Variants in BSN observed in about 807,000 individuals in gnomAD.
The protein encoded by BSN is bassoon presynaptic cytomatrix protein, also known as protein bassoon.
BSN carries 57 observed loss-of-function variants against 264.8 expected under a neutral mutation model. The observed-to-expected ratio is 0.22, with a 90% CI of 0.17 to 0.27. The LOEUF is 0.27. BSN is among the 10% of genes least tolerant of loss of function. BSN has a pLI of 1.00. For missense variants in BSN, 4,615 were observed against 5,232.5 expected (o/e 0.88, Z 3.64); for synonymous variants, 2,059 against 2,137.3 (o/e 0.96, Z 1.01).
chr3:49,654,438 G>C lies in BSN; in HGVS notation c.4882G>C (p.Ala1628Pro). The change falls in exon 5 of 12, where the codon GCA (alanine) becomes CCA (proline). Residue 1628 changes from alanine (A) to proline (P), a missense_variant. Ala to Pro is a conservative substitution (Grantham distance 27). Transcript: ENST00000296452. The surrounding 1 kb of genome is among the most constrained non-coding windows in gnomAD (Gnocchi z 4.1). ...VPSAGADGPLALYGWGALPAE... is the reference protein window; with the variant it reads ...VPSAGADGPLPLYGWGALPAE... The stretch of plus-strand genomic sequence containing the variant: ...CAGTGCTGGTGCAGATGGGCCCCTG[G>C]CACTATATGGCTGGGGTGCCCTCCC... 1 of 1,601,228 alleles carries C rather than the reference G, an allele frequency of 6.2e-7. No homozygotes were observed. The highest frequency in any genetic ancestry group is 1.1e-5 in the South Asian group (1 of 87,770).
rs773857495 is a variant in BSN at position 49,661,860 on chromosome 3, A to G, written c.10015A>G (p.Met3339Val). Residue 3339 changes from methionine (M) to valine (V), a missense_variant, in exon 6 of 12, where the codon ATG becomes GTG. Transcript: ENST00000296452. The stretch of plus-strand genomic sequence containing the variant: ...AGTAGAGAAGTATGGTCCAGGGCCC[A>G]TGGGGCCCAAGCATCCCTCCAAGAG... ...ARVEKYGPGP[M>V]GPKHPSKSLA... 14 of 1,613,560 alleles carry G rather than the reference A, an allele frequency of 8.7e-6. No individual in the cohort carries two copies. The highest frequency in any genetic ancestry group is 3.3e-5 in the Admixed American group (2 of 60,034).
chr3:49,565,914 C>T (rs1056907337), intron 1 of BSN, among the ~76,000 whole-genome samples: 4 of 152,132 alleles, frequency 2.6e-5, no homozygotes, highest in African/African-American at 9.7e-5. Flanking sequence ...CTCCACCTCA[C>T]GGGTTCAAGC....
chr3:49,595,853 G>A (rs1198207164), intron 1 of BSN, among the ~76,000 whole-genome samples: 1 of 151,746 alleles, frequency 6.6e-6, no homozygotes, highest in African/African-American at 2.4e-5. Flanking sequence ...AGGTTCTTTA[G>A]GATGTTCTAC....
chr3:49,621,963 T>C (rs2108055014), intron 1 of BSN, among the ~76,000 whole-genome samples: 1 of 152,280 alleles, frequency 6.6e-6, no homozygotes, highest in South Asian at 2.1e-4. Flanking sequence ...GAAGGAGTAG[T>C]GGAGCAAAGT....
At chr3:49,599,503 G>A (rs2052054499) in intron 1 of BSN, among the ~76,000 whole-genome samples, 1 of 152,146 alleles carries the variant, frequency 6.6e-6, no homozygotes, top group Admixed American at 6.5e-5. Context: ...GCTGGGGGTA[G>A]AGCATCTGGA....
intron 1 of BSN, among the ~76,000 whole-genome samples, chr3:49,582,006 C>T (rs2051898769): frequency 1.3e-5 from 2 of 152,134 alleles, no homozygotes; most frequent in Middle Eastern, 3.4e-3. Context: ...TGGATATAAA[C>T]CTAAGAGTGG....
rs755104263 is a variant in BSN at position 49,660,852 on chromosome 3, C to G, written c.9007C>G (p.Arg3003Gly). The G allele has an allele frequency of 1.2e-5, 20 of 1,613,244 alleles. No individual in the cohort carries two copies. In the South Asian group the frequency reaches 2.0e-4, roughly 16 times the overall value. Residue 3003 changes from arginine (R) to glycine (G), a missense_variant, in exon 6 of 12, where the codon CGT becomes GGT. Coordinates refer to ENST00000296452, the MANE Select transcript of BSN (RefSeq NM_003458.4). The surrounding 1 kb of genome is among the most constrained non-coding windows in gnomAD (Gnocchi z 7.1). ...DRGGRDYPPL[R>G]GLGEHRDYLS... ...GGGTGGCCGTGACTACCCACCCTTG[C>G]GTGGTCTTGGCGAGCATCGTGACTA...
Position 49,651,671 on chromosome 3 carries a change from G to A in BSN, c.2115G>A (p.Val705=). Residue 705 remains valine, a synonymous_variant, in exon 5 of 12, where the codon GTG becomes GTA. Transcript: ENST00000296452. This position sits in a 1 kb window ranked among gnomAD's most constrained non-coding sequence, Gnocchi z 5.4. ...SEITGVVQQE[V]EQLDSAGVTG... is the part of the protein sequence containing the mutation. ...TCACAGGAGTCGTGCAGCAGGAGGT[G>A]GAACAGCTGGACAGTGCAGGGGTGA... is the stretch of plus-strand genomic sequence containing the variant. 7.4e-6 allele frequency: 12 copies of A among 1,614,126 alleles called. No individual in the cohort carries two copies. Among genetic ancestry groups the A allele is most frequent in the Non-Finnish European group, 1.0e-5 (12 of 1,180,040 alleles).
chr3:49,672,872 C>A (rs2052822222), downstream of BSN, among the ~76,000 whole-genome samples: 1 of 149,794 alleles, frequency 6.7e-6, no homozygotes, highest in Admixed American at 6.7e-5. Flanking sequence ...CTCCGCCTCC[C>A]GGGTTCACAC....
At chr3:49,565,481 C>T (rs1329826230) in intron 1 of BSN, among the ~76,000 whole-genome samples, 1 of 151,948 alleles carries the variant, frequency 6.6e-6, no homozygotes, top group Non-Finnish European at 1.5e-5. Flanking sequence ...CCACTACTCC[C>T]AGCTAATTTT....
Position 49,652,913 on chromosome 3 carries a change from C to T in BSN, c.3357C>T (p.His1119=), listed in dbSNP as rs1302174495. 1.2e-6 allele frequency: 2 copies of T among 1,610,332 alleles called. No homozygotes were observed. Among genetic ancestry groups the T allele is most frequent in the Non-Finnish European group, 8.5e-7 (1 of 1,177,778 alleles). Residue 1119 remains histidine (H), a synonymous_variant, in exon 5 of 12, where the codon CAC becomes CAT. Coordinates refer to ENST00000296452, the MANE Select transcript of BSN (RefSeq NM_003458.4). ...LRQAAEMEEL[H]RSSCSEYSPS... The stretch of plus-strand genomic sequence containing the variant: ...AGGCGGCCGAGATGGAGGAGCTACA[C>T]CGCTCCTCCTGCTCTGAGTACTCAC...
At chr3:49,644,064 C>T (rs940242618) in intron 3 of BSN, among the ~76,000 whole-genome samples, 4 of 152,178 alleles carry the variant, frequency 2.6e-5, no homozygotes, top group African/African-American at 7.2e-5. Flanking sequence ...CTCTCCCTGG[C>T]CCAGGGTCAC....
At chr3:49,640,093 T>C (rs755817595) in intron 2 of BSN, among the ~76,000 whole-genome samples, 13 of 152,244 alleles carry the variant, frequency 8.5e-5, no homozygotes, top group Non-Finnish European at 1.8e-4. Flanking sequence ...AGACGGCACC[T>C]TCCCCTGGTG....
chr3:49,631,716 G>A (rs985062420), intron 2 of BSN, among the ~76,000 whole-genome samples: 1 of 152,202 alleles, frequency 6.6e-6, no homozygotes, highest in African/African-American at 2.4e-5. Context: ...CAGGACAGCT[G>A]TACCACAGGA....
intron 1 of BSN, among the ~76,000 whole-genome samples, chr3:49,612,887 C>T (rs2052219213): frequency 6.6e-6 from 1 of 152,184 alleles, no homozygotes; most frequent in South Asian, 2.1e-4. Context: ...AATCCCAGCA[C>T]TTTGGGAGGC....
chr3:49,609,268 A>ATTT (rs879332745), intron 1 of BSN, among the ~76,000 whole-genome samples: 1 of 140,796 alleles, frequency 7.1e-6, no homozygotes, highest in Non-Finnish European at 1.6e-5. Context: ...TGCTTGGCTA[A>ATTT]TTTTTTTTTT....
intron 1 of BSN, among the ~76,000 whole-genome samples, chr3:49,573,714 A>G (rs1441693144): frequency 6.1e-5 from 9 of 148,158 alleles, no homozygotes; most frequent in African/African-American, 1.3e-4. Flanking sequence ...CTGGAGTGCA[A>G]TGGCGCAATC....
At chr3:49,596,351 C>G (rs530113276) in intron 1 of BSN, among the ~76,000 whole-genome samples, 16 of 152,246 alleles carry the variant, frequency 1.1e-4, no homozygotes, top group Admixed American at 9.8e-4. Context: ...TTGCAGTGAG[C>G]CGAGATTGCA....
intron 1 of BSN, among the ~76,000 whole-genome samples, chr3:49,614,264 T>G (rs1434030145): frequency 6.6e-6 from 1 of 151,994 alleles, no homozygotes; most frequent in Non-Finnish European, 1.5e-5. Context: ...TTTCACCGTG[T>G]TAGCCAGGAT....
Sources: allele counts gnomAD v4.1 joint callset (sites outside exome capture counted in the v4.1 genomes callset), GRCh38; gene constraint gnomAD v4.1.1; non-coding constraint Gnocchi (gnomAD v3.1); transcripts MANE v1.5; gene names NCBI Gene and HGNC (gene_info 2026-07-23, HGNC 2026-07-21).